Variants in UNC79 observed in about 807,000 individuals in gnomAD.
UNC79 encodes the protein protein unc-79 homolog.
A neutral mutation model predicts 283.1 loss-of-function variants in UNC79; 37 were observed. The observed-to-expected ratio is 0.13, with a 90% confidence interval of 0.10 to 0.17. The LOEUF (loss-of-function observed/expected upper bound fraction) is 0.17, where lower values mean the gene tolerates loss of function less well. Among genes scored for constraint, UNC79 ranks in the 10% least tolerant of loss-of-function variants. The pLI, the probability that UNC79 is intolerant of heterozygous loss-of-function variation, is 1.00. For synonymous variants in UNC79, 1,107 were observed against 1,200.2 expected (o/e 0.92, Z 1.61); for missense variants, 2,272 against 3,211.1 (o/e 0.71, Z 7.07).
chr14:93,502,926 A>C (rs982774032), intron 7 of UNC79, among the ~76,000 whole-genome samples: 1 of 152,228 alleles, frequency 6.6e-6, no homozygotes, highest in Non-Finnish European at 1.5e-5. Context: ...CAGTTCTTTT[A>C]TGTCACATTG....
chr14:93,615,720 C>CAAAAAAA (rs1158073507), intron 27 of UNC79, among the ~76,000 whole-genome samples: 59 of 23,262 alleles, frequency 2.5e-3, no homozygotes, highest in Non-Finnish European at 3.5e-3. Context: ...GACTCCATCT[C>CAAAAAAA]AAAAAAAAAA....
intron 1 of UNC79, among the ~76,000 whole-genome samples, chr14:93,424,500 C>T (rs1392608782): frequency 1.3e-5 from 2 of 151,986 alleles, no homozygotes; most frequent in Non-Finnish European, 2.9e-5. Context: ...AAATGTGGTA[C>T]ATATACACAA....
intron 5 of UNC79, among the ~76,000 whole-genome samples, chr14:93,490,365 T>G (rs2058663404): frequency 6.6e-6 from 1 of 152,224 alleles, no homozygotes. Flanking sequence ...TTCCAAATCT[T>G]TAAGTCTTCT....
intron 14 of UNC79, among the ~76,000 whole-genome samples, chr14:93,558,097 T>C (rs958083900): frequency 6.6e-6 from 1 of 152,210 alleles, no homozygotes; most frequent in African/African-American, 2.4e-5. Context: ...AGCTGACCAA[T>C]CTGCAGGGCT....
intron 18 of UNC79, 94 bp downstream of exon 18, chr14:93,578,157 T>C: frequency 8.4e-7 from 1 of 1,195,612 alleles, no homozygotes; most frequent in Non-Finnish European, 1.2e-6. Context: ...ATCTCCACAC[T>C]TATCAAAATG....
chr14:93,409,687 G>A (rs971056332), intron 1 of UNC79, among the ~76,000 whole-genome samples: 3 of 151,976 alleles, frequency 2.0e-5, no homozygotes, highest in African/African-American at 7.3e-5. Context: ...GACCCTGTCT[G>A]TAAAATAAAT....
chr14:93,413,893 ATTTG>A (rs568329087), intron 1 of UNC79, among the ~76,000 whole-genome samples: 1,365 of 109,588 alleles, frequency 0.012, 20 homozygotes, highest in African/African-American at 0.044. Flanking sequence ...TTTCTTGTAA[ATTTG>A]TTTGAATTCA....
chr14:93,467,774 T>A, exon 2 of UNC79: 1 of 1,505,048 alleles, frequency 6.6e-7, no homozygotes, highest in Non-Finnish European at 8.8e-7. Context: ...TGAAATACTT[T>A]TCTCAGACCT....
intron 17 of UNC79, 116 bp from the exon 18 acceptor site, chr14:93,577,726 A>T: frequency 9.9e-7 from 1 of 1,008,366 alleles, no homozygotes; most frequent in Non-Finnish European, 1.5e-6. Flanking sequence ...GCCATTGGTT[A>T]AGGAAAGAAA....
chr14:93,517,931 G>C (rs1342350535), intron 7 of UNC79, among the ~76,000 whole-genome samples: 1 of 151,518 alleles, frequency 6.6e-6, no homozygotes, highest in Admixed American at 6.6e-5. Context: ...GTGTGTGTGT[G>C]TGTGTGTGTG....
At position 93,617,020 on chromosome 14, in the gene UNC79, C is replaced by G; in HGVS notation, c.4042-102C>G. On this transcript the variant is annotated intron_variant, in intron 27 of 48. Coordinates refer to ENST00000555664, the Ensembl canonical transcript of UNC79. This position sits in a 1 kb window ranked among gnomAD's most constrained non-coding sequence, Gnocchi z 4.5. Reference sequence around the variant, plus strand: ...GTGGGATGCCTGTTAAATATTTTGCCTGTTAAAAATTTTAACCACTGGGAT... The same window carrying G: ...GTGGGATGCCTGTTAAATATTTTGCGTGTTAAAAATTTTAACCACTGGGAT... 1.0e-6 allele frequency: 1 copy of G among 994,434 alleles called. No homozygotes were observed. The highest frequency in any genetic ancestry group is 1.4e-6 in the Non-Finnish European group (1 of 691,254). The allele number at this position is 994,434 out of a possible 1,614,324, so 61.6% of individuals were successfully genotyped here. A position where few individuals can be genotyped will look rare whatever the true frequency, so the allele number is the denominator to read the frequency against.
chr14:93,647,699 G>A (rs1045677535), intron 35 of UNC79, among the ~76,000 whole-genome samples: 7 of 152,148 alleles, frequency 4.6e-5, no homozygotes, highest in Non-Finnish European at 1.0e-4. Context: ...ATGCAGCAGG[G>A]AGTCATTGGA....
chr14:93,351,266 TA>T (rs2053975437), intron 1 of UNC79, among the ~76,000 whole-genome samples: 1 of 152,214 alleles, frequency 6.6e-6, no homozygotes. Flanking sequence ...AACTAAAATT[TA>T]AAAGGGCTAA....
intron 37 of UNC79, among the ~76,000 whole-genome samples, chr14:93,654,564 T>A (rs28756829): frequency 6.7e-6 from 1 of 149,898 alleles, no homozygotes; most frequent in East Asian, 1.9e-4. Context: ...TGCTAAAATT[T>A]AAATAATTTA....
At chr14:93,501,442 C>A (rs1406633999) in intron 7 of UNC79, among the ~76,000 whole-genome samples, 3 of 152,046 alleles carry the variant, frequency 2.0e-5, no homozygotes, top group African/African-American at 7.2e-5. Context: ...GTAATCCCAG[C>A]ACTTTGGGAG....
At chr14:93,660,613 A>G (rs2071494242) in intron 39 of UNC79, among the ~76,000 whole-genome samples, 1 of 142,222 alleles carries the variant, frequency 7.0e-6, no homozygotes, top group African/African-American at 2.7e-5. Context: ...ATTTTGAGAC[A>G]GAGTCTCGCT....
Position 93,389,653 on chromosome 14 carries a change from C to CT in UNC79, c.-351+56146dup, listed in dbSNP as rs149054590. 4.0e-3 allele frequency among the ~76,000 whole-genome samples: 537 copies of CT among 135,908 alleles called. 4 individuals are homozygous for CT. The highest frequency in any genetic ancestry group is 0.012 in the South Asian group (49 of 4,180). 89.2% of individuals were successfully genotyped at this position (135,908 alleles called of 152,430 possible). A position where few individuals can be genotyped will look rare whatever the true frequency, so the allele number is the denominator to read the frequency against. On this transcript the variant is annotated intron_variant, in intron 1 of 49. Transcript: ENST00000256339. ...TTCCAGAAAACAAGAAAAGTGGGAGCTTTTTTTTTTTTTTTTAAGATGGAG... is the reference window on the plus strand; with the variant it reads ...TTCCAGAAAACAAGAAAAGTGGGAGCTTTTTTTTTTTTTTTTTAAGATGGAG...
At chr14:93,562,682 G>A (rs1344884721) in intron 14 of UNC79, among the ~76,000 whole-genome samples, 2 of 152,076 alleles carry the variant, frequency 1.3e-5, no homozygotes, top group Non-Finnish European at 1.5e-5. Flanking sequence ...AGTAAAGGCC[G>A]GTCCATTATC....
At chr14:93,550,309 G>A (rs1033043839) in intron 14 of UNC79, among the ~76,000 whole-genome samples, 6 of 151,866 alleles carry the variant, frequency 4.0e-5, no homozygotes, top group African/African-American at 1.2e-4. Flanking sequence ...AGAGGAAAGA[G>A]GGAAGTTCTA....
Sources: gnomAD v4.1 joint callset for allele counts (sites outside exome capture counted in the v4.1 genomes callset) on GRCh38, gnomAD v4.1.1 for gene constraint, Gnocchi (gnomAD v3.1) non-coding constraint, MANE v1.5 for transcripts, NCBI Gene and HGNC (gene_info 2026-07-23, HGNC 2026-07-21) for gene names.